The following MAPK10 variants were observed in gnomAD, a reference collection of about 807,000 sequenced individuals.
MAPK10 encodes the protein mitogen-activated protein kinase 10.
Under a neutral mutation model 59.3 loss-of-function variants are expected in MAPK10, and 25 were observed. The observed-to-expected ratio is 0.42, with a 90% CI of 0.31 to 0.59. The LOEUF (loss-of-function observed/expected upper bound fraction) is 0.59, where lower values mean the gene tolerates loss of function less well. Among genes scored for constraint, MAPK10 ranks in the 20% least tolerant of loss-of-function variants. The probability of loss-of-function intolerance (pLI) is 0.15; values close to 1 mark genes in which losing one functional copy is unlikely to be tolerated. For synonymous variants in MAPK10, 190 were observed against 200.5 expected (o/e 0.95, Z 0.44); for missense variants, 351 against 568.9 (o/e 0.62, Z 3.90).
At chr4:86,504,838 G>A (rs1349531238) in intron 1 of MAPK10, among the ~76,000 whole-genome samples, 1 of 152,112 alleles carries the variant, frequency 6.6e-6, no homozygotes, top group Non-Finnish European at 1.5e-5. Flanking sequence ...GAAAGGAAGA[G>A]CCAGAAGAGG....
At chr4:86,405,632 T>C (rs923919791) in intron 1 of MAPK10, among the ~76,000 whole-genome samples, 3 of 152,188 alleles carry the variant, frequency 2.0e-5, no homozygotes, top group African/African-American at 7.2e-5. Context: ...ACACATATCA[T>C]ATATATACAA....
chr4:86,231,067 C>A (rs1053662979), intron 2 of MAPK10, among the ~76,000 whole-genome samples: 1 of 152,100 alleles, frequency 6.6e-6, no homozygotes, highest in Admixed American at 6.5e-5. Context: ...CCAAGACCAA[C>A]GCTAACAAGA....
chr4:86,547,952 C>G lies in MAPK10; in HGVS notation c.-263+45958G>C, dbSNP rs566997953. ...ATCAGCGCCCTGTCAAAACAGACCA[C>G]TCGGCTCTACCAATCAGCAGGATGT... On this transcript the variant is annotated intron_variant, in intron 1 of 4. Coordinates refer to the MAPK10 transcript ENST00000502302. Among the ~76,000 whole-genome samples the G allele has an allele frequency of 3.9e-5, 6 of 152,294 alleles. No homozygotes were observed. In the South Asian group the frequency reaches 1.0e-3, roughly 26 times the overall value.
chr4:86,288,888 T>C (rs1459217396), intron 2 of MAPK10, among the ~76,000 whole-genome samples: 2 of 151,318 alleles, frequency 1.3e-5, no homozygotes, highest in Non-Finnish European at 2.9e-5. Flanking sequence ...CCAGGCACCA[T>C]TCTAAGAAAC....
rs1742278145 is a variant in MAPK10, at chr4:86,014,054, C to G, written c.*3174G>C. 1 of 152,176 alleles carries G rather than the reference C, an allele frequency of 6.6e-6. No homozygotes were observed. Among genetic ancestry groups the G allele is most frequent in the Admixed American group, 6.5e-5 (1 of 15,274 alleles). The allele number at this position is 152,176 out of a possible 1,614,324, so 9.4% of individuals were successfully genotyped here. A position where few individuals can be genotyped will look rare whatever the true frequency, so the allele number is the denominator to read the frequency against. ...TTAATTTTCCCTGCACATGAGTACA[C>G]AGCCATCCTTCCTACAAAATACTGC... On this transcript the variant is annotated 3_prime_UTR_variant, in exon 14 of 14. Coordinates refer to ENST00000641462, the MANE Select transcript of MAPK10 (RefSeq NM_138982.4).
upstream of MAPK10, chr4:86,458,130 T>G (rs554267556): frequency 5.9e-5 from 9 of 152,236 alleles, no homozygotes; most frequent in African/African-American, 1.9e-4. Context: ...AAACTCCGTC[T>G]CCACTAAAAA....
intron 1 of MAPK10, among the ~76,000 whole-genome samples, chr4:86,425,976 GA>G (rs1299789403): frequency 2.6e-5 from 4 of 151,952 alleles, no homozygotes; most frequent in Non-Finnish European, 5.9e-5. Flanking sequence ...GTCTCAAAAA[GA>G]AAAGATCCTT....
intron 1 of MAPK10, among the ~76,000 whole-genome samples, chr4:86,480,017 C>T (rs887927145): frequency 8.5e-5 from 13 of 152,096 alleles, no homozygotes; most frequent in Non-Finnish European, 1.9e-4. Flanking sequence ...CCCAACACTT[C>T]AACACTATTA....
At chr4:86,035,362 C>A in intron 11 of MAPK10, among the ~76,000 whole-genome samples, 1 of 104,714 alleles carries the variant, frequency 9.5e-6, no homozygotes, top group African/African-American at 4.0e-5. Flanking sequence ...TAGAGTGAGA[C>A]TCTGTCTCAA....
chr4:86,403,832 C>A (rs1744030394), intron 1 of MAPK10, among the ~76,000 whole-genome samples: 1 of 152,114 alleles, frequency 6.6e-6, no homozygotes, highest in Non-Finnish European at 1.5e-5. Context: ...TTACAGGTCC[C>A]TCCCTTGACA....
rs112287084 is a variant in MAPK10, at chr4:86,017,143, T to TTG, written c.*83_*84dup. ...TTTTCTTGATGTTGTGTGTCTGCAT[T>TTG]TGTGTGTGTGTGTGTGTCTGCGTGT... is the stretch of plus-strand genomic sequence containing the variant. On this transcript the variant is annotated 3_prime_UTR_variant, in exon 14 of 14. Coordinates refer to ENST00000641462, the MANE Select transcript of MAPK10 (RefSeq NM_138982.4). The surrounding 1 kb of genome is among the most constrained non-coding windows in gnomAD (Gnocchi z 4.4). 0.012 allele frequency: 15,001 copies of TTG among 1,263,944 alleles called. 321 individuals carry two copies. The highest frequency in any genetic ancestry group is 0.099 in the African/African-American group (6,596 of 66,960). 78.3% of individuals were successfully genotyped at this position (1,263,944 alleles called of 1,614,324 possible). A position where few individuals can be genotyped will look rare whatever the true frequency, so the allele number is the denominator to read the frequency against.
chr4:86,200,094 T>A (rs2082275258), intron 2 of MAPK10, among the ~76,000 whole-genome samples: 1 of 152,076 alleles, frequency 6.6e-6, no homozygotes, highest in Admixed American at 6.6e-5. Flanking sequence ...CCTGTGATGT[T>A]ATTTTATTGC....
intron 13 of MAPK10, among the ~76,000 whole-genome samples, chr4:86,023,283 G>A (rs537931405): frequency 3.3e-5 from 5 of 152,088 alleles, no homozygotes; most frequent in Admixed American, 6.6e-5. Context: ...ATTTGATTCC[G>A]TTGATCTATT....
At chr4:86,433,693 C>T (rs143122305) in intron 1 of MAPK10, among the ~76,000 whole-genome samples, 4 of 151,164 alleles carry the variant, frequency 2.6e-5, no homozygotes, top group African/African-American at 7.3e-5. Flanking sequence ...CATGAACTAT[C>T]GCACCCAGCC....
At chr4:86,248,664 C>A (rs1336268762) in intron 2 of MAPK10, among the ~76,000 whole-genome samples, 1 of 152,208 alleles carries the variant, frequency 6.6e-6, no homozygotes, top group African/African-American at 2.4e-5. Context: ...CAGAACAACT[C>A]TTCTTGCCCA....
intron 3 of MAPK10, among the ~76,000 whole-genome samples, chr4:86,184,655 G>C (rs1409676459): frequency 6.6e-6 from 1 of 152,078 alleles, no homozygotes; most frequent in Non-Finnish European, 1.5e-5. Flanking sequence ...GAGTTCTTAT[G>C]AGATCTGGTT....
At chr4:86,168,299 T>A (rs1416570157) in intron 3 of MAPK10, among the ~76,000 whole-genome samples, 2 of 152,190 alleles carry the variant, frequency 1.3e-5, no homozygotes, top group Non-Finnish European at 2.9e-5. Context: ...GGGAGTTCCC[T>A]TTCCTAGTCA....
rs753883473 is a variant in MAPK10 at position 86,064,334 on chromosome 4, T to C, written c.1042A>G (p.Ile348Val). 3 of 1,614,176 alleles carry C rather than the reference T, an allele frequency of 1.9e-6. No individual in the cohort carries two copies. Among genetic ancestry groups the C allele is most frequent in the Middle Eastern group, 3.3e-4 (2 of 6,062 alleles). The change falls in exon 11 of 14, where the codon ATA becomes GTA. Residue 348 changes from isoleucine (I) to valine (V), a missense_variant. This residue lies in a region of MAPK10 where 155 missense variants were observed against 204.2 expected (regional missense o/e 0.76). Coordinates refer to ENST00000641462, the MANE Select transcript of MAPK10 (RefSeq NM_138982.4). Reference protein sequence around the residue: ...KMLVIDPAKRISVDDALQHPY... With the variant: ...KMLVIDPAKRVSVDDALQHPY... ...TGCTGTAAGGCGTCGTCCACTGATA[T>C]TCTTTTTGCTGGGTCAATCACTAGC...
At chr4:86,179,000 A>G (rs2076296324) in intron 3 of MAPK10, among the ~76,000 whole-genome samples, 1 of 152,076 alleles carries the variant, frequency 6.6e-6, no homozygotes, top group Non-Finnish European at 1.5e-5. Context: ...CAGGAGATTG[A>G]GACCATCCTG....
Sources: allele counts gnomAD v4.1 joint callset (sites outside exome capture counted in the v4.1 genomes callset), GRCh38; gene constraint gnomAD v4.1.1; regional missense constraint gnomAD v4.1.1; non-coding constraint Gnocchi (gnomAD v3.1); transcripts MANE v1.5; gene names NCBI Gene and HGNC (gene_info 2026-07-23, HGNC 2026-07-21).